Variants in C8orf34 observed in about 807,000 individuals in gnomAD.
The protein encoded by C8orf34 is uncharacterized protein C8orf34.
Under a neutral mutation model 68.3 loss-of-function variants are expected in C8orf34, and 65 were observed. That is an observed-to-expected ratio of 0.95 (90% CI 0.78 to 1.17). C8orf34 has a LOEUF of 1.17. C8orf34 is among the 50% of genes most tolerant of loss of function. C8orf34 has a pLI of 0.00. For missense variants in C8orf34, 664 were observed against 655.4 expected (o/e 1.01, Z -0.14); for synonymous variants, 244 against 241.2 (o/e 1.01, Z -0.11).
intron 12 of C8orf34, among the ~76,000 whole-genome samples, chr8:68,802,445 G>A (rs1215828005): frequency 1.3e-5 from 2 of 152,216 alleles, no homozygotes; most frequent in Admixed American, 1.3e-4. Context: ...TTTATTATCT[G>A]GATGTACTAT....
At chr8:68,724,749 C>T (rs1288251335) in intron 10 of C8orf34, among the ~76,000 whole-genome samples, 8 of 152,260 alleles carry the variant, frequency 5.3e-5, no homozygotes, top group Non-Finnish European at 4.4e-5. Flanking sequence ...ACCAAATAGG[C>T]AGGTATTGAT....
At chr8:68,603,526 T>TATC (rs1333265212) in intron 7 of C8orf34, among the ~76,000 whole-genome samples, 17 of 57,812 alleles carry the variant, frequency 2.9e-4, no homozygotes, top group South Asian at 1.7e-3. Context: ...TACATATATC[T>TATC]ATCTATCTAT....
At chr8:68,402,358 T>C (rs775118640) in intron 1 of C8orf34, among the ~76,000 whole-genome samples, 2 of 152,120 alleles carry the variant, frequency 1.3e-5, no homozygotes, top group Non-Finnish European at 2.9e-5. Context: ...GAGGAACTAA[T>C]TTTTTCTTTC....
At position 68,541,791 on chromosome 8, in the gene C8orf34, ATGTGT is replaced by A. The variant is rs1370766829; in HGVS notation, c.1105+8644_1105+8648del. Among the ~76,000 whole-genome samples the A allele has an allele frequency of 2.6e-5, 4 of 152,274 alleles. No homozygotes were observed. The East Asian group carries it at 7.7e-4, about 29-fold the overall frequency. On this transcript the variant is annotated intron_variant, in intron 7 of 13. Transcript: ENST00000518698. ...TGGCATAGAACTTGAATTTTCCCTAATGTGTTAGAATGAATCTTGGCCTATTCACT... is the reference window on the plus strand; with the variant it reads ...TGGCATAGAACTTGAATTTTCCCTAATAGAATGAATCTTGGCCTATTCACT...
intron 8 of C8orf34, among the ~76,000 whole-genome samples, chr8:68,676,734 T>A (rs10103145): frequency 0.22 from 33,643 of 152,176 alleles, 4,051 homozygotes; most frequent in Middle Eastern, 0.35. Flanking sequence ...TAGTTCGTTT[T>A]CATGCTGCTG....
intron 7 of C8orf34, among the ~76,000 whole-genome samples, chr8:68,607,347 C>T (rs1033828099): frequency 8.6e-5 from 13 of 152,038 alleles, no homozygotes; most frequent in Non-Finnish European, 1.8e-4. Flanking sequence ...CATCCAAGAT[C>T]AAGGTGTCGG....
At position 68,599,480 on chromosome 8, in the gene C8orf34, T is replaced by C. The variant is rs140403810; in HGVS notation, c.1106-40896T>C. Among the ~76,000 whole-genome samples, 236 of 151,946 alleles carry C rather than the reference T, an allele frequency of 1.6e-3. 4 individuals carry two copies. The East Asian group carries it at 0.043, about 28-fold the overall frequency. ...TTACAAGCTACAGTAACCAAAACAG[T>C]GTTGTATTGAACTAAGAACATAAAA... On this transcript the variant is annotated intron_variant, in intron 7 of 13. Transcript: ENST00000518698.
intron 10 of C8orf34, among the ~76,000 whole-genome samples, chr8:68,740,077 T>C (rs570100792): frequency 6.6e-6 from 1 of 152,268 alleles, no homozygotes; most frequent in African/African-American, 2.4e-5. Flanking sequence ...CTGGATCCTT[T>C]CCTTATACCA....
At chr8:68,589,430 AAAAG>A (rs1817302493) in intron 7 of C8orf34, among the ~76,000 whole-genome samples, 1 of 145,056 alleles carries the variant, frequency 6.9e-6, no homozygotes, top group Non-Finnish European at 1.5e-5. Context: ...GAGAGAAAAT[AAAAG>A]AAGGAAGGGG....
At chr8:68,413,851 C>G (rs560702244) in intron 1 of C8orf34, among the ~76,000 whole-genome samples, 38 of 152,310 alleles carry the variant, frequency 2.5e-4, no homozygotes, top group Non-Finnish European at 4.4e-4. Context: ...ATGTATGTCA[C>G]TAGCTCTTCC....
At chr8:68,475,292 T>C (rs1039283030) in intron 4 of C8orf34, among the ~76,000 whole-genome samples, 1 of 152,212 alleles carries the variant, frequency 6.6e-6, no homozygotes, top group Non-Finnish European at 1.5e-5. Flanking sequence ...TCTTTGTGCT[T>C]CTATACTTTT....
At chr8:68,335,433 C>G (rs1009645978) in intron 1 of C8orf34, among the ~76,000 whole-genome samples, 1 of 152,022 alleles carries the variant, frequency 6.6e-6, no homozygotes, top group Non-Finnish European at 1.5e-5. Flanking sequence ...CCCCAGTGCT[C>G]AAAGTTATGA....
chr8:68,607,292 C>A (rs1004091821), intron 7 of C8orf34, among the ~76,000 whole-genome samples: 1 of 152,092 alleles, frequency 6.6e-6, no homozygotes, highest in Non-Finnish European at 1.5e-5. Context: ...GCCATAATAA[C>A]GTACTGTAGG....
chr8:68,742,764 G>GTTCT (rs55882512), intron 10 of C8orf34, among the ~76,000 whole-genome samples: 107,582 of 151,540 alleles, frequency 0.71, 38,369 homozygotes, highest in African/African-American at 0.77. Context: ...TCACTAATGA[G>GTTCT]TTAATTCATT....
chr8:68,562,648 T>C (rs955692868), intron 7 of C8orf34, among the ~76,000 whole-genome samples: 2 of 152,168 alleles, frequency 1.3e-5, no homozygotes, highest in African/African-American at 4.8e-5. Context: ...GTTGTTGTTG[T>C]TTGTAAAAGG....
intron 1 of C8orf34, among the ~76,000 whole-genome samples, chr8:68,435,729 C>T (rs549278916): frequency 6.6e-6 from 1 of 152,324 alleles, no homozygotes; most frequent in African/African-American, 2.4e-5. Context: ...TCTGAGAATT[C>T]ATTCCCAGCC....
chr8:68,469,863 G>T (rs1812306181), intron 4 of C8orf34, among the ~76,000 whole-genome samples: 1 of 107,472 alleles, frequency 9.3e-6, no homozygotes, highest in South Asian at 3.0e-4. Context: ...GGTATATTTT[G>T]AAAGAAGTTT....
chr8:68,528,923 C>T (rs1815128792), intron 6 of C8orf34, among the ~76,000 whole-genome samples: 1 of 152,206 alleles, frequency 6.6e-6, no homozygotes, highest in African/African-American at 2.4e-5. Flanking sequence ...TTCTGCTCTT[C>T]CCTATGGCTA....
chr8:68,446,548 A>G (rs767220711), intron 3 of C8orf34, 88 bp downstream of exon 3: 45 of 1,359,064 alleles, frequency 3.3e-5, no homozygotes, highest in Non-Finnish European at 4.2e-5. Flanking sequence ...TTGAAGCCCA[A>G]CTTTTCATCT....
Sources: allele counts gnomAD v4.1 joint callset (sites outside exome capture counted in the v4.1 genomes callset), GRCh38; gene constraint gnomAD v4.1.1; transcripts MANE v1.5; gene names NCBI Gene and HGNC (gene_info 2026-07-23, HGNC 2026-07-21).